LAMA1: variants seen among roughly 807,000 people sequenced by gnomAD.
LAMA1 encodes the protein laminin subunit alpha-1.
LAMA1 carries 219 observed loss-of-function variants against 348.7 expected under a neutral mutation model. The ratio of observed to expected loss-of-function variants is 0.63; its 90% CI spans 0.56 to 0.70. LAMA1 has a LOEUF of 0.70. Ranked by LOEUF, LAMA1 falls within the 30% of genes least tolerant of loss-of-function variation. LAMA1 has a pLI of 0.00. For missense variants in LAMA1, 3,744 were observed against 3,888.0 expected, an observed-to-expected ratio of 0.96 and a Z score of 0.99; for synonymous variants, 1,487 against 1,491.0, an observed-to-expected ratio of 1.00 and a Z score of 0.06.
chr18:7,042,011 T>C, intron 9 of LAMA1, 134 bp downstream of exon 9: 1 of 709,760 alleles, frequency 1.4e-6, no homozygotes. Context: ...TAGTAGGTGC[T>C]TGATACGTAC....
intron 58 of LAMA1, 81 bp from the exon 59 acceptor site, chr18:6,949,340 A>G (rs1410749159): frequency 1.9e-5 from 25 of 1,319,674 alleles, no homozygotes; most frequent in Non-Finnish European, 2.7e-5. Context: ...AACAGATGCA[A>G]CATCTGTTTC....
At position 7,010,587 on chromosome 18, in the gene LAMA1, C is replaced by T. The variant is rs1050382031; in HGVS notation, c.3688-202G>A. 3.9e-5 allele frequency among the ~76,000 whole-genome samples: 6 copies of T among 152,086 alleles called. No homozygotes were observed. In the South Asian group the frequency reaches 8.3e-4, roughly 21 times the overall value. Reference sequence around the variant, plus strand: ...TTGACCTAAGTTATATAGTTCCTTTCGAGAAAACAAACAAAAGTGAGCTCC... The same window carrying T: ...TTGACCTAAGTTATATAGTTCCTTTTGAGAAAACAAACAAAAGTGAGCTCC... On this transcript the variant is annotated intron_variant, in intron 25 of 62. Transcript: ENST00000389658.
intron 3 of LAMA1, among the ~76,000 whole-genome samples, chr18:7,054,168 C>T (rs1294275325): frequency 6.6e-6 from 1 of 152,132 alleles, no homozygotes; most frequent in African/African-American, 2.4e-5. Flanking sequence ...TGTAACTGTC[C>T]TTCAAGTATC....
intron 3 of LAMA1, among the ~76,000 whole-genome samples, chr18:7,074,163 T>G (rs2058157465): frequency 6.6e-6 from 1 of 152,124 alleles, no homozygotes; most frequent in East Asian, 1.9e-4. Flanking sequence ...CATAACACTG[T>G]GCCATTTTAC....
At chr18:6,996,152 G>A (rs371486807) in intron 33 of LAMA1, among the ~76,000 whole-genome samples, 14 of 152,108 alleles carry the variant, frequency 9.2e-5, no homozygotes, top group African/African-American at 2.9e-4. Context: ...AGAGGTAAAA[G>A]CTCTCATTTT....
intron 1 of LAMA1, among the ~76,000 whole-genome samples, chr18:7,094,742 C>T (rs554661500): frequency 6.6e-6 from 1 of 152,176 alleles, no homozygotes; most frequent in Non-Finnish European, 1.5e-5. Context: ...AACATAGGAA[C>T]AAGTTCAACT....
chr18:7,050,337 C>G (rs577296473), intron 4 of LAMA1, among the ~76,000 whole-genome samples: 2 of 152,170 alleles, frequency 1.3e-5, no homozygotes, highest in Non-Finnish European at 2.9e-5. Flanking sequence ...TGCTCACCAC[C>G]TACCGAGGAG....
intron 1 of LAMA1, among the ~76,000 whole-genome samples, chr18:7,100,060 A>G (rs1211077362): frequency 1.3e-4 from 10 of 79,832 alleles, no homozygotes; most frequent in Non-Finnish European, 2.6e-4. Flanking sequence ...CTTTGTCTCA[A>G]AAAAAAAAAA....
rs150995717 is a variant in LAMA1, at chr18:6,991,193, T to G, written c.5168+1368A>C. Among the ~76,000 whole-genome samples the G allele has an allele frequency of 1.6e-3, 244 of 152,232 alleles. No homozygotes were observed. The Middle Eastern group carries it at 0.024, about 15-fold the overall frequency. On this transcript the variant is annotated intron_variant, in intron 36 of 62. Transcript: ENST00000389658. Reference sequence around the variant, plus strand: ...TCCATCCAACTGTAAGCACCTCCTTTTGTTTTTCACCTAACAAATCAACAA... The same window carrying G: ...TCCATCCAACTGTAAGCACCTCCTTGTGTTTTTCACCTAACAAATCAACAA...
Position 7,002,513 on chromosome 18 carries a change from G to A in LAMA1, c.4261-128C>T, listed in dbSNP as rs2057812386. ...TTTTAAAAATATTCTTCAGGAAAGG[G>A]GAGCATTTTCCTCCATATTCTTAAA... is the stretch of plus-strand genomic sequence containing the variant. On this transcript the variant is annotated intron_variant, in intron 29 of 62. Coordinates refer to ENST00000389658, the MANE Select transcript of LAMA1 (RefSeq NM_005559.4). The A allele has an allele frequency of 9.6e-6, 10 of 1,039,276 alleles. No homozygotes were observed. In the South Asian group the frequency reaches 1.3e-4, roughly 13 times the overall value. The allele number at this position is 1,039,276 out of a possible 1,614,324, so 64.4% of individuals were successfully genotyped here.
intron 1 of LAMA1, among the ~76,000 whole-genome samples, chr18:7,114,364 T>C (rs955673076): frequency 2.0e-5 from 3 of 152,224 alleles, no homozygotes; most frequent in African/African-American, 7.2e-5. Context: ...GCCATGGCCA[T>C]AGCTAATTAA....
chr18:7,024,779 C>T (rs1211596866), intron 17 of LAMA1, among the ~76,000 whole-genome samples: 8 of 152,214 alleles, frequency 5.3e-5, no homozygotes, highest in Non-Finnish European at 1.2e-4. Flanking sequence ...CAGTGCCCAA[C>T]TCAGCTGATG....
chr18:6,951,403 G>C (rs571824643), intron 57 of LAMA1, among the ~76,000 whole-genome samples: 5 of 152,364 alleles, frequency 3.3e-5, no homozygotes, highest in Non-Finnish European at 5.9e-5. Flanking sequence ...AAGCCCACCT[G>C]AGGCCGTGGG....
At position 7,023,284 on chromosome 18, in the gene LAMA1, C is replaced by T; in HGVS notation, c.2581G>A (p.Gly861Ser). ...TCCCCGGTGACTGAGTCACAGTGAC[C>T]AGCCTCCGAGGGGTCCACGTTGCCG... ...CSGNVDPSEA[G>S]HCDSVTGECL... The change falls in exon 19 of 63, where the codon GGT (glycine) becomes AGT (serine). Residue 861 changes from glycine to serine, a missense_variant. By Grantham distance (56) the Gly-to-Ser change is moderately conservative. Coordinates refer to ENST00000389658, the MANE Select transcript of LAMA1 (RefSeq NM_005559.4). The T allele has an allele frequency of 6.2e-7, 1 of 1,614,170 alleles. No homozygotes were observed. Among genetic ancestry groups the T allele is most frequent in the Non-Finnish European group, 8.5e-7 (1 of 1,180,040 alleles).
rs2144097308 is a variant in LAMA1, at chr18:7,002,385, T to C, written c.4261A>G (p.Asn1421Asp). 1 of 1,613,262 alleles carries C rather than the reference T, an allele frequency of 6.2e-7. No homozygotes were observed. The highest frequency in any genetic ancestry group is 8.5e-7 in the Non-Finnish European group (1 of 1,179,990). The change falls in exon 30 of 63, where the codon AAC (asparagine) becomes GAC (aspartate). Residue 1421 changes from asparagine (N) to aspartate (D), a missense_variant and splice_region_variant. Physicochemically the swap from Asn to Asp is conservative, Grantham distance 23. Coordinates refer to ENST00000389658, the MANE Select transcript of LAMA1 (RefSeq NM_005559.4). ...TCACCTGCTGTGTTATCGCCACAGT[T>C]CTGGGAGCCCACATTTAAAGGAAGG... ...TCDPNTGKCL[N>D]CGDNTAGDHC... is the part of the protein sequence containing the mutation.
intron 22 of LAMA1, among the ~76,000 whole-genome samples, chr18:7,014,901 C>A (rs2057879309): frequency 6.6e-6 from 1 of 151,780 alleles, no homozygotes. Flanking sequence ...GGCTGGAATG[C>A]AGTGGCCCGA....
At chr18:7,004,948 A>C (rs1408839371) in intron 29 of LAMA1, among the ~76,000 whole-genome samples, 1 of 152,202 alleles carries the variant, frequency 6.6e-6, no homozygotes, top group Non-Finnish European at 1.5e-5. Flanking sequence ...CAGCAGTGAC[A>C]GGGCAGGTAT....
chr18:6,941,851 A>G lies in LAMA1; in HGVS notation c.*228T>C. 1 of 541,530 alleles carries G rather than the reference A, an allele frequency of 1.8e-6. No homozygotes were observed. Among genetic ancestry groups the G allele is most frequent in the South Asian group, 2.1e-5 (1 of 48,112 alleles). 33.5% of individuals were successfully genotyped at this position (541,530 alleles called of 1,614,324 possible). The stretch of plus-strand genomic sequence containing the variant: ...ATTCAATGTGTATAAAGATTTTTTT[A>G]AAAATACGTTTAAAAAGAGAGCCAG... On this transcript the variant is annotated 3_prime_UTR_variant, in exon 63 of 63. Transcript: ENST00000389658.
At chr18:6,965,765 T>C (rs1040921791) in intron 49 of LAMA1, 14 of 409,044 alleles carry the variant, frequency 3.4e-5, no homozygotes, top group Non-Finnish European at 6.2e-5. Context: ...CACCAGCCCA[T>C]GAGATGCAAA....
Sources: gnomAD v4.1 joint callset for allele counts (sites outside exome capture counted in the v4.1 genomes callset) on GRCh38, gnomAD v4.1.1 for gene constraint, MANE v1.5 for transcripts, NCBI Gene and HGNC (gene_info 2026-07-23, HGNC 2026-07-21) for gene names.